Variants in GLS observed in about 807,000 individuals in gnomAD.
GLS encodes the protein glutaminase.
GLS carries 36 observed loss-of-function variants against 86.7 expected under a neutral mutation model. The ratio of observed to expected loss-of-function variants is 0.42; its 90% CI spans 0.32 to 0.55. The LOEUF (loss-of-function observed/expected upper bound fraction) is 0.55. Ranked by LOEUF, GLS falls within the 20% of genes least tolerant of loss-of-function variation. The pLI, the probability that GLS is intolerant of heterozygous loss-of-function variation, is 0.17. For synonymous variants in GLS, 317 were observed against 305.9 expected, an observed-to-expected ratio of 1.04 and a Z score of -0.38; for missense variants, 528 against 833.4, an observed-to-expected ratio of 0.63 and a Z score of 4.51.
In GLS at chr2:190,921,311, C is replaced by A; in HGVS notation, c.1130+108C>A. The A allele has an allele frequency of 1.2e-6, 1 of 806,776 alleles. No homozygotes were observed. Among genetic ancestry groups the A allele is most frequent in the Admixed American group, 2.0e-5 (1 of 49,294 alleles). The allele number at this position is 806,776 out of a possible 1,614,324, so 50.0% of individuals were successfully genotyped here. ...AATGAATGATTTCTAAATTACCTGA[C>A]AGAAACACTTAAAAATACTTTAAAT... On this transcript the variant is annotated intron_variant, in intron 9 of 17. Coordinates refer to ENST00000320717, the MANE Select transcript of GLS (RefSeq NM_014905.5). The surrounding 1 kb of genome is among the most constrained non-coding windows in gnomAD (Gnocchi z 4.2).
At position 190,905,989 on chromosome 2, in the gene GLS, T is replaced by G. The variant is rs937935343; in HGVS notation, c.979+822T>G. Among the ~76,000 whole-genome samples the G allele has an allele frequency of 2.0e-5, 3 of 152,120 alleles. No homozygotes were observed. Among genetic ancestry groups the G allele is most frequent in the African/African-American group, 7.2e-5 (3 of 41,436 alleles). ...AAAATGAAATGTGCCTTATACTCAT[T>G]ATTTTATTAGTTTGTAAGATGAAGT... On this transcript the variant is annotated intron_variant, in intron 6 of 17. Transcript: ENST00000320717. This position sits in a 1 kb window ranked among gnomAD's most constrained non-coding sequence, Gnocchi z 4.6.
chr2:190,909,153 A>G (rs1689263361), intron 6 of GLS, among the ~76,000 whole-genome samples: 1 of 152,160 alleles, frequency 6.6e-6, no homozygotes, highest in South Asian at 2.1e-4. Context: ...GAAACTTGGC[A>G]TTATGAATAC....
In GLS at chr2:190,943,499, A is replaced by G. The variant is rs1295246262; in HGVS notation, c.1651-10066A>G. The stretch of plus-strand genomic sequence containing the variant: ...CAGCATAGTGCAATATCAGCAGTCA[A>G]GGAAAGAGTATTTTAAGGAGTTTGG... On this transcript the variant is annotated intron_variant, in intron 14 of 17. Transcript: ENST00000320717. This position sits in a 1 kb window ranked among gnomAD's most constrained non-coding sequence, Gnocchi z 4.5. 6.6e-6 allele frequency among the ~76,000 whole-genome samples: 1 copy of G among 152,196 alleles called. No individual in the cohort carries two copies. The highest frequency in any genetic ancestry group is 1.5e-5 in the Non-Finnish European group (1 of 68,022).
intron 1 of GLS, chr2:190,882,018 T>C (rs1470263730): frequency 1.3e-5 from 2 of 152,414 alleles, no homozygotes; most frequent in Non-Finnish European, 2.9e-5. Context: ...GCTCTTTATA[T>C]TTCGGGAGTG....
chr2:190,934,305 T>C, intron 14 of GLS: 1 of 964,056 alleles, frequency 1.0e-6, no homozygotes, highest in Non-Finnish European at 1.2e-6. Context: ...TCATAATGTC[T>C]TAAGTTTGGG....
chr2:190,911,153 A>G (rs189138790), intron 7 of GLS, among the ~76,000 whole-genome samples: 33 of 151,912 alleles, frequency 2.2e-4, no homozygotes, highest in African/African-American at 7.7e-4. Flanking sequence ...ATCTGTGCCT[A>G]TCTATTCCAA....
intron 12 of GLS, among the ~76,000 whole-genome samples, chr2:190,928,892 GTTTTTTTT>G (rs367999647): frequency 1.6e-4 from 2 of 12,828 alleles, no homozygotes; most frequent in East Asian, 2.1e-3. Context: ...ATTCAGGTGT[GTTTTTTTT>G]TTTTTTTTTT....
intron 6 of GLS, among the ~76,000 whole-genome samples, chr2:190,909,760 G>A (rs943987001): frequency 5.9e-5 from 9 of 152,144 alleles, no homozygotes; most frequent in African/African-American, 1.9e-4. Context: ...ATCCCCTATA[G>A]GCTGTGCATG....
Position 190,963,901 on chromosome 2 carries a change from A to T in GLS, c.*915A>T, listed in dbSNP as rs1691061855. ...GGATGTGCAACTGCAGCTCTTTAAG[A>T]AGTTTTTTTTTTTTAGCTTCTAGGG... On this transcript the variant is annotated 3_prime_UTR_variant, in exon 18 of 18. Coordinates refer to ENST00000320717, the MANE Select transcript of GLS (RefSeq NM_014905.5). The T allele has an allele frequency of 6.6e-6, 1 of 151,670 alleles. No homozygotes were observed. 9.4% of individuals were successfully genotyped at this position (151,670 alleles called of 1,614,324 possible). A position where few individuals can be genotyped will look rare whatever the true frequency, so the allele number is the denominator to read the frequency against.
In GLS at chr2:190,880,868, A is replaced by AAC; in HGVS notation, c.-217_-216insAC. Reference sequence around the variant, plus strand: ...GAAGAGAACCGGTCGCGGCAATCCTAGCGCGCAGCAGCAGCAGCAGCAGCA... The same window carrying AAC: ...GAAGAGAACCGGTCGCGGCAATCCTAACGCGCGCAGCAGCAGCAGCAGCAGCA... On this transcript the variant is annotated 5_prime_UTR_variant, in exon 1 of 18. Transcript: ENST00000320717. 2.7e-6 allele frequency: 2 copies of AAC among 744,510 alleles called. No individual in the cohort carries two copies. The highest frequency in any genetic ancestry group is 4.4e-6 in the Non-Finnish European group (2 of 450,664). The allele number at this position is 744,510 out of a possible 1,614,324, so 46.1% of individuals were successfully genotyped here.
intron 6 of GLS, 82 bp from the exon 7 acceptor site, chr2:190,910,181 T>A: frequency 1.2e-6 from 1 of 852,934 alleles, no homozygotes; most frequent in Non-Finnish European, 1.9e-6. Context: ...AGCTGTGCTT[T>A]TTCCAAGGTC....
At chr2:190,928,589 C>T (rs1232183309) in intron 12 of GLS, among the ~76,000 whole-genome samples, 1 of 151,974 alleles carries the variant, frequency 6.6e-6, no homozygotes, top group Admixed American at 6.5e-5. Context: ...CCTGCCTCAG[C>T]CTCCCAAATT....
rs534696947 is a variant in GLS, at chr2:190,914,270, T to C, written c.1038+3949T>C. Among the ~76,000 whole-genome samples, 19 of 152,358 alleles carry C rather than the reference T, an allele frequency of 1.2e-4. No homozygotes were observed. Among genetic ancestry groups the C allele is most frequent in the African/African-American group, 4.3e-4 (18 of 41,580 alleles). ...TAGTTAATGTATATGTGATGTTCAG[T>C]TTGGTTATGTTAGCAATAACCTGTT... On this transcript the variant is annotated intron_variant, in intron 7 of 17. Coordinates refer to ENST00000320717, the MANE Select transcript of GLS (RefSeq NM_014905.5). The surrounding 1 kb of genome is among the most constrained non-coding windows in gnomAD (Gnocchi z 4.4).
In GLS at chr2:190,897,486, T is replaced by C. The variant is rs559431280; in HGVS notation, c.605+1761T>C. 1.4e-4 allele frequency among the ~76,000 whole-genome samples: 22 copies of C among 152,360 alleles called. No homozygotes were observed. The East Asian group carries it at 2.7e-3, about 19-fold the overall frequency. On this transcript the variant is annotated intron_variant, in intron 3 of 17. Coordinates refer to ENST00000320717, the MANE Select transcript of GLS (RefSeq NM_014905.5). The surrounding 1 kb of genome is among the most constrained non-coding windows in gnomAD (Gnocchi z 4.3). ...AATTTTTAAAAATCTATGCTTGTAA[T>C]ACAGGCAGTTTCCAACTTGACAAAT...
chr2:190,964,938 G>C lies in GLS; in HGVS notation c.*1952G>C, dbSNP rs1165774038. 1 of 152,150 alleles carries C rather than the reference G, an allele frequency of 6.6e-6. No individual in the cohort carries two copies. The highest frequency in any genetic ancestry group is 6.5e-5 in the Admixed American group (1 of 15,276). The allele number at this position is 152,150 out of a possible 1,614,324, so 9.4% of individuals were successfully genotyped here. A position where few individuals can be genotyped will look rare whatever the true frequency, so the allele number is the denominator to read the frequency against. On this transcript the variant is annotated 3_prime_UTR_variant, in exon 18 of 18. Coordinates refer to ENST00000320717, the MANE Select transcript of GLS (RefSeq NM_014905.5). This position sits in a 1 kb window ranked among gnomAD's most constrained non-coding sequence, Gnocchi z 5.2. ...GTTCTAACCATTATTTGGGAACAAA[G>C]AGAGTTTTCATCTTTTTTCAGATCA... is the stretch of plus-strand genomic sequence containing the variant.
At chr2:190,917,992 T>G (rs189914548) in intron 7 of GLS, among the ~76,000 whole-genome samples, 149 of 152,198 alleles carry the variant, frequency 9.8e-4, no homozygotes, top group African/African-American at 3.4e-3. Context: ...TAAACAAGGT[T>G]GTAAACCGAT....
intron 6 of GLS, among the ~76,000 whole-genome samples, chr2:190,907,020 C>G (rs1287431687): frequency 6.6e-5 from 10 of 150,924 alleles, no homozygotes; most frequent in African/African-American, 2.2e-4. Context: ...AGCTCTGCCC[C>G]CCGGGTTCAC....
chr2:190,936,368 C>T (rs1423395950), intron 14 of GLS, among the ~76,000 whole-genome samples: 1 of 150,984 alleles, frequency 6.6e-6, no homozygotes, highest in Non-Finnish European at 1.5e-5. Context: ...TTTGTGCATA[C>T]ATATATATGA....
intron 12 of GLS, among the ~76,000 whole-genome samples, chr2:190,928,334 T>G (rs1363636050): frequency 6.6e-6 from 1 of 151,436 alleles, no homozygotes; most frequent in East Asian, 1.9e-4. Flanking sequence ...TAAATTATTA[T>G]TTCTTTTTTT....
Sources: allele counts gnomAD v4.1 joint callset (sites outside exome capture counted in the v4.1 genomes callset), GRCh38; gene constraint gnomAD v4.1.1; non-coding constraint Gnocchi (gnomAD v3.1); transcripts MANE v1.5; gene names NCBI Gene and HGNC (gene_info 2026-07-23, HGNC 2026-07-21).